DMD: variants seen among roughly 807,000 people sequenced by gnomAD.
The protein encoded by DMD is dystrophin, also known as mutant dystrophin.
A neutral mutation model predicts 330.1 loss-of-function variants in DMD; 63 were observed. The ratio of observed to expected loss-of-function variants is 0.19; its 90% CI spans 0.16 to 0.24. The LOEUF is 0.24. Ranked by LOEUF, DMD falls within the 10% of genes least tolerant of loss-of-function variation. The pLI, the probability that DMD is intolerant of heterozygous loss-of-function variation, is 1.00. For synonymous variants in DMD, 1,223 were observed against 959.8 expected, an observed-to-expected ratio of 1.27 and a Z score of -5.07; for missense variants, 3,344 against 2,684.1, an observed-to-expected ratio of 1.25 and a Z score of -5.43.
intron 9 of DMD, among the ~76,000 whole-genome samples, chrX:32,658,464 A>C (rs1025146343): frequency 9.0e-6 from 1 of 111,497 alleles, no homozygotes; most frequent in African/African-American, 3.3e-5. Context: ...GCATCTGGAG[A>C]CAATACATTA....
chrX:32,395,614 A>C (rs1209875027), intron 30 of DMD, among the ~76,000 whole-genome samples: 3 of 111,981 alleles, frequency 2.7e-5, no homozygotes, highest in African/African-American at 9.7e-5. Context: ...CTCTGTGATC[A>C]GAAAGATAAA....
intron 62 of DMD, among the ~76,000 whole-genome samples, chrX:31,266,510 G>A (rs1199588461): frequency 8.9e-6 from 1 of 112,661 alleles, no homozygotes; most frequent in Non-Finnish European, 1.9e-5. Flanking sequence ...ATCCCCGCGT[G>A]AGGAACGCGT....
chrX:31,894,975 C>A (rs1412395103), intron 47 of DMD, among the ~76,000 whole-genome samples: 2 of 111,849 alleles, frequency 1.8e-5, no homozygotes, highest in African/African-American at 6.5e-5. Flanking sequence ...TAGTTGGTTA[C>A]TGGTTAAAAG....
chrX:31,736,224 G>C lies in DMD; in HGVS notation c.7543-6476C>G, dbSNP rs150836325. The stretch of plus-strand genomic sequence containing the variant: ...TCCTGAGAATGCGTTTCAAATTTCT[G>C]GAAGGAGCAGTTATGAAGCTAAAAA... On this transcript the variant is annotated intron_variant, in intron 51 of 78. Coordinates refer to ENST00000357033, the MANE Select transcript of DMD (RefSeq NM_004006.3). Among the ~76,000 whole-genome samples, 369 of 111,883 alleles carry C rather than the reference G, an allele frequency of 3.3e-3. 1 individual carries two copies. The highest frequency in any genetic ancestry group is 5.5e-3 in the Non-Finnish European group (293 of 53,167).
At position 31,922,563 on chromosome X, in the gene DMD, C is replaced by T. The variant is rs145407022; in HGVS notation, c.6912+7033G>A. On this transcript the variant is annotated intron_variant, in intron 47 of 78. Coordinates refer to ENST00000357033, the MANE Select transcript of DMD (RefSeq NM_004006.3). ...GCTAGGGGGGTGCAGAGGAGGCAGA[C>T]CTCGGTACTGAGCCCTCAATCTATG... Among the ~76,000 whole-genome samples the T allele has an allele frequency of 5.7e-3, 612 of 107,782 alleles. 5 individuals are homozygous for T. Among genetic ancestry groups the T allele is most frequent in the African/African-American group, 0.018 (534 of 28,994 alleles). The allele number at this position is 107,782 out of a possible 115,157, so 93.6% of individuals were successfully genotyped here.
intron 43 of DMD, among the ~76,000 whole-genome samples, chrX:32,251,985 G>A (rs1027272641): frequency 1.8e-5 from 2 of 111,426 alleles, no homozygotes; most frequent in Non-Finnish European, 3.8e-5. Context: ...GCAACAGAGT[G>A]AGATTGTGTC....
At chrX:31,224,685 G>A (rs1408472895) in intron 63 of DMD, among the ~76,000 whole-genome samples, 1 of 111,933 alleles carries the variant, frequency 8.9e-6, no homozygotes, top group African/African-American at 3.3e-5. Context: ...AAAAAGATGT[G>A]TACATGAATA....
intron 13 of DMD, among the ~76,000 whole-genome samples, chrX:32,588,210 A>T (rs1035212024): frequency 2.7e-5 from 3 of 112,341 alleles, no homozygotes; most frequent in Non-Finnish European, 5.6e-5. Context: ...AGATTCTAAT[A>T]AAAGAGTAAA....
intron 59 of DMD, among the ~76,000 whole-genome samples, chrX:31,472,335 A>G (rs1291682440): frequency 8.9e-6 from 1 of 112,165 alleles, no homozygotes; most frequent in Non-Finnish European, 1.9e-5. Context: ...TACATAACTC[A>G]TATATAAGAA....
intron 30 of DMD, among the ~76,000 whole-genome samples, chrX:32,398,756 G>A (rs868341236): frequency 9.0e-6 from 1 of 111,247 alleles, no homozygotes; most frequent in South Asian, 3.8e-4. Flanking sequence ...AATTTATATG[G>A]AACTGCAGCA....
chrX:31,430,456 C>T (rs1334486012), intron 60 of DMD, among the ~76,000 whole-genome samples: 1 of 111,459 alleles, frequency 9.0e-6, no homozygotes, highest in East Asian at 2.8e-4. Context: ...GCGATAATGA[C>T]CAGGATCAGC....
chrX:32,076,669 C>G (rs1249744629), intron 44 of DMD, among the ~76,000 whole-genome samples: 1 of 111,586 alleles, frequency 9.0e-6, no homozygotes, highest in Non-Finnish European at 1.9e-5. Context: ...GTGAGCCACC[C>G]TGCCCGGCCC....
chrX:31,934,108 C>G (rs1206668658), intron 45 of DMD, among the ~76,000 whole-genome samples: 1 of 111,216 alleles, frequency 9.0e-6, no homozygotes, highest in African/African-American at 3.3e-5. Flanking sequence ...AGCATGTAAG[C>G]CAAGGATTAT....
At chrX:32,483,049 G>C (rs1340232270) in intron 21 of DMD, among the ~76,000 whole-genome samples, 1 of 104,706 alleles carries the variant, frequency 9.6e-6, no homozygotes, top group Non-Finnish European at 2.0e-5. Context: ...CCTGGTGCCA[G>C]TTCGGATATA....
chrX:33,218,871 C>T (rs773423661), intron 1 of DMD, among the ~76,000 whole-genome samples: 46 of 111,733 alleles, frequency 4.1e-4, no homozygotes, highest in Non-Finnish European at 6.4e-4. Context: ...CCTGTCTCCT[C>T]ACCTCCATTC....
chrX:32,495,161 T>C (rs772161174), intron 19 of DMD, among the ~76,000 whole-genome samples: 98 of 112,040 alleles, frequency 8.7e-4, no homozygotes, highest in African/African-American at 2.8e-3. Context: ...ATGAAGGATT[T>C]GTATGCAAAC....
At chrX:31,913,754 CAAAACAAAACA>C in intron 47 of DMD, among the ~76,000 whole-genome samples, 1 of 109,832 alleles carries the variant, frequency 9.1e-6, no homozygotes. Context: ...CAAAACAAAA[CAAAACAAAACA>C]AAAACAAAAC....
At chrX:31,813,077 G>A (rs763297143) in intron 50 of DMD, among the ~76,000 whole-genome samples, 1 of 111,870 alleles carries the variant, frequency 8.9e-6, no homozygotes, top group Non-Finnish European at 1.9e-5. Flanking sequence ...TGAGATATAT[G>A]AGAATACTGA....
chrX:31,527,240 G>T (rs1045992409), intron 55 of DMD, among the ~76,000 whole-genome samples: 13 of 111,939 alleles, frequency 1.2e-4, no homozygotes, highest in African/African-American at 4.2e-4. Context: ...GGGCAGAAAG[G>T]CTTTAGCTAT....
Sources: allele counts gnomAD v4.1 joint callset (sites outside exome capture counted in the v4.1 genomes callset), GRCh38; gene constraint gnomAD v4.1.1; transcripts MANE v1.5; gene names NCBI Gene and HGNC (gene_info 2026-07-23, HGNC 2026-07-21).